Variants in SHOX observed in about 807,000 individuals in gnomAD.
SHOX encodes SHOX homeobox.
SHOX carries 12 observed loss-of-function variants against 29.6 expected under a neutral mutation model. The observed-to-expected ratio is 0.41, with a 90% CI of 0.26 to 0.66. The LOEUF is 0.66. Ranked by LOEUF, SHOX falls within the 30% of genes least tolerant of loss-of-function variation. SHOX has a pLI of 0.35. For synonymous variants in SHOX, 214 were observed against 200.6 expected (o/e 1.07, Z -0.57); for missense variants, 499 against 437.7 (o/e 1.14, Z -1.25).
intron 4 of SHOX, among the ~76,000 whole-genome samples, chrX:642,358 A>G (rs752093698): frequency 6.6e-6 from 1 of 151,822 alleles, no homozygotes; most frequent in East Asian, 1.9e-4. Context: ...GTTTTATTCC[A>G]AGGGGACAGG....
downstream of SHOX, among the ~76,000 whole-genome samples, chrX:652,495 C>G (rs749101288): frequency 1.3e-4 from 19 of 151,824 alleles, no homozygotes; most frequent in South Asian, 1.0e-3. Context: ...ACACAGGGTT[C>G]CCACCGCGGT....
upstream of SHOX, among the ~76,000 whole-genome samples, chrX:629,824 G>A (rs1013074677): frequency 6.6e-6 from 1 of 152,198 alleles, no homozygotes; most frequent in Non-Finnish European, 1.5e-5. Flanking sequence ...CTTGGAAAAC[G>A]AATTTCAGGT....
intron 2 of SHOX, among the ~76,000 whole-genome samples, chrX:635,567 G>A (rs1332801349): frequency 1.3e-5 from 2 of 152,208 alleles, no homozygotes; most frequent in Non-Finnish European, 2.9e-5. Flanking sequence ...GATGAGCGGA[G>A]ACTATTAGCG....
In SHOX at chrX:642,303, G is replaced by C. The variant is rs188624766; in HGVS notation, c.633+1216G>C. On this transcript the variant is annotated intron_variant, in intron 4 of 4. Coordinates refer to ENST00000686671, the MANE Select transcript of SHOX (RefSeq NM_000451.4). ...GCATGCGCGGGCGGAACGGGCTTGG[G>C]GGGGGGGCTCTGGCAGGGCGGACGC... Among the ~76,000 whole-genome samples the C allele has an allele frequency of 3.7e-3, 563 of 152,198 alleles. 1 individual carries two copies. Among genetic ancestry groups the C allele is most frequent in the African/African-American group, 9.4e-3 (392 of 41,540 alleles).
chrX:649,991 T>G lies in SHOX; in HGVS notation c.*5355T>G, dbSNP rs745762612. The G allele has an allele frequency of 6.6e-6, 3 of 456,116 alleles. No homozygotes were observed. The Admixed American group carries it at 7.0e-5, about 11-fold the overall frequency. The allele number at this position is 456,116 out of a possible 1,614,324, so 28.3% of individuals were successfully genotyped here. On this transcript the variant is annotated 3_prime_UTR_variant, in exon 5 of 5. Coordinates refer to ENST00000686671, the MANE Select transcript of SHOX (RefSeq NM_000451.4). ...TGTATCGGATGTTGCTATTAGATTTTCTTTCTCCGTTCGAGTCTCTGACTG... is the reference window on the plus strand; with the variant it reads ...TGTATCGGATGTTGCTATTAGATTTGCTTTCTCCGTTCGAGTCTCTGACTG...
rs373989094 is a variant in SHOX, at chrX:649,162, C to G, written c.*4526C>G. On this transcript the variant is annotated 3_prime_UTR_variant, in exon 5 of 5. Transcript: ENST00000686671. Reference sequence around the variant, plus strand: ...AAGAAATTCTCCTGCCTCAGCCTCCCAAGTAGCTGGGATGACAGGCACCCA... The same window carrying G: ...AAGAAATTCTCCTGCCTCAGCCTCCGAAGTAGCTGGGATGACAGGCACCCA... Among the ~76,000 whole-genome samples, 5 of 152,012 alleles carry G rather than the reference C, an allele frequency of 3.3e-5. No homozygotes were observed. The highest frequency in any genetic ancestry group is 7.4e-5 in the Non-Finnish European group (5 of 67,996).
chrX:644,525 C>A lies in SHOX; in HGVS notation c.768C>A (p.Ser256=). 1 of 1,518,410 alleles carries A rather than the reference C, an allele frequency of 6.6e-7. No individual in the cohort carries two copies. Among genetic ancestry groups the A allele is most frequent in the Non-Finnish European group, 8.8e-7 (1 of 1,139,856 alleles). The allele number at this position is 1,518,410 out of a possible 1,614,324, so 94.1% of individuals were successfully genotyped here. A position where few individuals can be genotyped will look rare whatever the true frequency, so the allele number is the denominator to read the frequency against. ...TGCCCATCGCGTCGCTGGCCGAGTC[C>A]GCCTCGGCCGCCGCCGTGGTCGCCG... is the stretch of plus-strand genomic sequence containing the variant. ...FGLPIASLAE[S]ASAAAVVAAA... Residue 256 remains serine (S), a synonymous_variant, in exon 5 of 5, where the codon TCC becomes TCA. Transcript: ENST00000686671.
chrX:626,829 T>C (rs1401523844), upstream of SHOX, among the ~76,000 whole-genome samples: 1 of 151,538 alleles, frequency 6.6e-6, no homozygotes, highest in Non-Finnish European at 1.5e-5. Context: ...CTCTCCTCTC[T>C]CTCTTTTTCT....
At position 636,524 on chromosome X, in the gene SHOX, T is replaced by A. The variant is rs867643667; in HGVS notation, c.486+1698T>A. On this transcript the variant is annotated intron_variant, in intron 2 of 4. Transcript: ENST00000686671. The stretch of plus-strand genomic sequence containing the variant: ...CATATATATACATAAAATATATATA[T>A]AAACATATATATACATATAAAAATA... Among the ~76,000 whole-genome samples, 27 of 46,712 alleles carry A rather than the reference T, an allele frequency of 5.8e-4. 5 individuals are homozygous for A. Among genetic ancestry groups the A allele is most frequent in the Admixed American group, 1.1e-3 (4 of 3,636 alleles). The allele number at this position is 46,712 out of a possible 152,430, so 30.6% of individuals were successfully genotyped here.
At chrX:643,558 C>CT in intron 4 of SHOX, among the ~76,000 whole-genome samples, 1 of 131,822 alleles carries the variant, frequency 7.6e-6, no homozygotes, top group South Asian at 2.5e-4. Flanking sequence ...ACCTAGTGAC[C>CT]CGGGAGAGGC....
At chrX:652,971 G>A (rs1207018376), downstream of SHOX, among the ~76,000 whole-genome samples, 1 of 152,126 alleles carries the variant, frequency 6.6e-6, no homozygotes. Context: ...GCGCAGTGTG[G>A]CTCTCACGCC....
intron 1 of SHOX, 92 bp downstream of exon 1, chrX:631,266 C>A (rs1268346378): frequency 1.4e-6 from 2 of 1,477,504 alleles, no homozygotes; most frequent in South Asian, 1.1e-5. Flanking sequence ...CCTCGCTGTG[C>A]ACATTTGCAG....
intron 1 of SHOX, chrX:631,913 C>A (rs1020869080): frequency 4.4e-6 from 2 of 455,980 alleles, no homozygotes; most frequent in South Asian, 3.1e-5. Flanking sequence ...CACAGAGGAG[C>A]CGTCTCCACG....
rs1481760686 is a variant in SHOX, at chrX:634,629, T to G, written c.289T>G (p.Cys97Gly). ...CGCTCCCCACGCAGGGATTTATGAA[T>G]GCAAAGAGAAGCGCGAGGACGTGAA... ...TARVAEGIYE[C>G]KEKREDVKSE... Residue 97 changes from cysteine (C) to glycine (G), a missense_variant, in exon 2 of 5, where the codon TGC becomes GGC. Cys to Gly is a radical substitution (Grantham distance 159, BLOSUM62 -3). Transcript: ENST00000686671. 1 of 1,613,478 alleles carries G rather than the reference T, an allele frequency of 6.2e-7. No individual in the cohort carries two copies. The highest frequency in any genetic ancestry group is 8.5e-7 in the Non-Finnish European group (1 of 1,179,848).
chrX:638,972 C>T (rs1569494372), intron 2 of SHOX, among the ~76,000 whole-genome samples: 1 of 152,056 alleles, frequency 6.6e-6, no homozygotes, highest in Non-Finnish European at 1.5e-5. Context: ...CTAAGACTGT[C>T]AGGGAGGTGG....
chrX:641,581 T>A (rs1160453838), intron 4 of SHOX, among the ~76,000 whole-genome samples: 2 of 150,660 alleles, frequency 1.3e-5, no homozygotes, highest in Admixed American at 1.3e-4. Flanking sequence ...CCCAGGTACT[T>A]GGGAGGGAGA....
rs747349135 is a variant in SHOX at position 630,957 on chromosome X, C to CGGCGGA, written c.72_77dup (p.Gly27_Gly28dup). 7.4e-6 allele frequency: 12 copies of CGGCGGA among 1,613,694 alleles called. No homozygotes were observed. Among genetic ancestry groups the CGGCGGA allele is most frequent in the Admixed American group, 1.7e-5 (1 of 59,996 alleles). ...TTGACCAGAAAAGCAAGGACGGTAACGGCGGAGGCGGAGGCGGCGGAGGTA... is the reference window on the plus strand; with the variant it reads ...TTGACCAGAAAAGCAAGGACGGTAACGGCGGAGGCGGAGGCGGAGGCGGCGGAGGTA... On this transcript the variant is annotated inframe_insertion, in exon 1 of 5. Coordinates refer to ENST00000686671, the MANE Select transcript of SHOX (RefSeq NM_000451.4).
In SHOX at chrX:634,623, T is replaced by C; in HGVS notation, c.283T>C (p.Tyr95His). 1 of 1,613,624 alleles carries C rather than the reference T, an allele frequency of 6.2e-7. No homozygotes were observed. The highest frequency in any genetic ancestry group is 8.5e-7 in the Non-Finnish European group (1 of 1,179,858). Residue 95 changes from tyrosine (Y) to histidine (H), a missense_variant, in exon 2 of 5, where the codon TAT (tyrosine) becomes CAT (histidine). Physicochemically the swap from Tyr to His is moderately conservative, Grantham distance 83. Coordinates refer to ENST00000686671, the MANE Select transcript of SHOX (RefSeq NM_000451.4). ...GCCCTCCGCTCCCCACGCAGGGATT[T>C]ATGAATGCAAAGAGAAGCGCGAGGA... is the stretch of plus-strand genomic sequence containing the variant. ...FGTARVAEGIYECKEKREDVK... is the reference protein window; with the variant it reads ...FGTARVAEGIHECKEKREDVK...
chrX:640,443 G>A (rs2052832250), intron 2 of SHOX, among the ~76,000 whole-genome samples: 1 of 152,018 alleles, frequency 6.6e-6, no homozygotes, highest in Admixed American at 6.6e-5. Context: ...GGGCATGGTG[G>A]TGGGCACCTG....
Sources: allele counts gnomAD v4.1 joint callset (sites outside exome capture counted in the v4.1 genomes callset), GRCh38; gene constraint gnomAD v4.1.1; transcripts MANE v1.5; gene names NCBI Gene and HGNC (gene_info 2026-07-23, HGNC 2026-07-21).